The following ERC1 variants were observed in gnomAD, a reference collection of about 807,000 sequenced individuals.
ERC1 encodes RAB6 interacting protein 2.
A neutral mutation model predicts 132.0 loss-of-function variants in ERC1; 56 were observed. The observed-to-expected ratio is 0.42, with a 90% confidence interval of 0.34 to 0.53. The LOEUF is 0.53. Among genes scored for constraint, ERC1 ranks in the 20% least tolerant of loss-of-function variants. ERC1 has a pLI of 0.03. For synonymous variants in ERC1, 478 were observed against 476.1 expected (o/e 1.00, Z -0.05); for missense variants, 1,202 against 1,349.9 (o/e 0.89, Z 1.72).
At chr12:1,124,851 T>C (rs1196421869) in intron 7 of ERC1, among the ~76,000 whole-genome samples, 3 of 152,052 alleles carry the variant, frequency 2.0e-5, no homozygotes, top group African/African-American at 7.2e-5. Context: ...TGGAAAAATA[T>C]AAAATGACAG....
At chr12:1,174,600 C>T (rs572743326) in intron 8 of ERC1, among the ~76,000 whole-genome samples, 3 of 152,232 alleles carry the variant, frequency 2.0e-5, no homozygotes, top group East Asian at 1.9e-4. Context: ...CATTTTAATT[C>T]CTGAATTTCT....
At chr12:1,114,849 TG>T (rs943836131) in intron 6 of ERC1, among the ~76,000 whole-genome samples, 2 of 152,228 alleles carry the variant, frequency 1.3e-5, no homozygotes, top group African/African-American at 4.8e-5. Context: ...TAATCTTTTT[TG>T]AAACAGAAGG....
chr12:1,389,090 C>T (rs992539577), intron 16 of ERC1, among the ~76,000 whole-genome samples: 1 of 152,186 alleles, frequency 6.6e-6, no homozygotes, highest in South Asian at 2.1e-4. Context: ...ACGGTCACTA[C>T]CCACAGACCA....
At chr12:1,456,938 T>C (rs999476544) in intron 18 of ERC1, among the ~76,000 whole-genome samples, 1 of 152,180 alleles carries the variant, frequency 6.6e-6, no homozygotes, top group African/African-American at 2.4e-5. Context: ...TCGCAGGCAT[T>C]GTCAGAGATT....
At chr12:1,295,061 T>G (rs560240860) in intron 15 of ERC1, among the ~76,000 whole-genome samples, 2 of 152,358 alleles carry the variant, frequency 1.3e-5, no homozygotes, top group South Asian at 4.1e-4. Flanking sequence ...GAAGCAGGCA[T>G]AGTAAGACTT....
At chr12:1,064,722 A>G (rs558852446) in intron 2 of ERC1, among the ~76,000 whole-genome samples, 1 of 152,262 alleles carries the variant, frequency 6.6e-6, no homozygotes, top group South Asian at 2.1e-4. Flanking sequence ...TTTACTTTTG[A>G]CAACTTGGCA....
chr12:1,398,789 G>A (rs752818461), intron 16 of ERC1, among the ~76,000 whole-genome samples: 1 of 152,180 alleles, frequency 6.6e-6, no homozygotes, highest in Non-Finnish European at 1.5e-5. Flanking sequence ...TGACTTTTAA[G>A]ATGGTACCTT....
intron 18 of ERC1, among the ~76,000 whole-genome samples, chr12:1,479,822 G>T (rs2094050562): frequency 6.6e-6 from 1 of 152,166 alleles, no homozygotes; most frequent in African/African-American, 2.4e-5. Flanking sequence ...GTCACTCTGA[G>T]GCAGGACGGA....
At chr12:1,352,569 C>CATGTGTTTAATGAGAGATTG (rs1566657345) in intron 15 of ERC1, among the ~76,000 whole-genome samples, 2 of 150,816 alleles carry the variant, frequency 1.3e-5, no homozygotes, top group African/African-American at 5.0e-5. Flanking sequence ...TAGAATTTAT[C>CATGTGTTTAATGAGAGATTG]TTCTTAATTC....
In ERC1 at chr12:1,250,969, A is replaced by G. The variant is rs575549310; in HGVS notation, c.2488-12065A>G. On this transcript the variant is annotated intron_variant, in intron 13 of 18. Transcript: ENST00000360905. Reference sequence around the variant, plus strand: ...AGAATAAAGTTCAAAGAAAGTGAAAACAATGGAAATAGAGCCGGGGAAAAT... The same window carrying G: ...AGAATAAAGTTCAAAGAAAGTGAAAGCAATGGAAATAGAGCCGGGGAAAAT... Among the ~76,000 whole-genome samples the G allele has an allele frequency of 5.9e-5, 9 of 152,334 alleles. No individual in the cohort carries two copies. In the East Asian group the frequency reaches 1.5e-3, roughly 26 times the overall value.
intron 15 of ERC1, among the ~76,000 whole-genome samples, chr12:1,345,187 C>CTTCTTTTTTTTTT (rs1555368776): frequency 2.3e-5 from 3 of 131,490 alleles, no homozygotes; most frequent in South Asian, 4.6e-4. Context: ...AATATTTCTT[C>CTTCTTTTTTTTTT]TTTTTTTTTT....
At chr12:1,480,133 G>T (rs1437062210) in intron 18 of ERC1, among the ~76,000 whole-genome samples, 1 of 151,502 alleles carries the variant, frequency 6.6e-6, no homozygotes, top group Non-Finnish European at 1.5e-5. Context: ...GTGCCCAGGA[G>T]GCTTGAGGAA....
chr12:1,404,358 A>G (rs1045168864), intron 16 of ERC1, among the ~76,000 whole-genome samples: 25 of 151,386 alleles, frequency 1.7e-4, no homozygotes, highest in African/African-American at 5.4e-4. Context: ...TTCATTTGCA[A>G]TAATCCTTTG....
At chr12:1,177,711 C>T (rs955220444) in intron 8 of ERC1, among the ~76,000 whole-genome samples, 1 of 152,168 alleles carries the variant, frequency 6.6e-6, no homozygotes, top group Non-Finnish European at 1.5e-5. Flanking sequence ...AGAAATGTTG[C>T]AGGAATTACC....
chr12:1,490,000 G>C, intron 18 of ERC1, 93 bp from the exon 19 acceptor site: 1 of 1,353,442 alleles, frequency 7.4e-7, no homozygotes, highest in Non-Finnish European at 1.0e-6. Context: ...TTCACATACA[G>C]AGTGCCTTTG....
intron 1 of ERC1, among the ~76,000 whole-genome samples, chr12:1,016,600 A>T (rs766411712): frequency 1.4e-5 from 2 of 146,566 alleles, no homozygotes; most frequent in Non-Finnish European, 3.0e-5. Context: ...CTCTCACAGT[A>T]TGTATATAAC....
chr12:1,362,469 T>C (rs2086230053), intron 15 of ERC1, among the ~76,000 whole-genome samples: 1 of 152,096 alleles, frequency 6.6e-6, no homozygotes, highest in African/African-American at 2.4e-5. Flanking sequence ...TCTCTCTCTC[T>C]GTCTCTCTCT....
intron 16 of ERC1, among the ~76,000 whole-genome samples, chr12:1,393,346 G>A (rs1410230225): frequency 2.0e-5 from 3 of 152,058 alleles, no homozygotes; most frequent in Non-Finnish European, 4.4e-5. Context: ...CCTGAGCAAC[G>A]TGGGGAAACC....
At chr12:1,278,229 T>G (rs1231000759) in intron 14 of ERC1, among the ~76,000 whole-genome samples, 1 of 152,250 alleles carries the variant, frequency 6.6e-6, no homozygotes, top group Non-Finnish European at 1.5e-5. Flanking sequence ...GTTAAATGGC[T>G]GTACCCTGCC....
Sources: allele counts gnomAD v4.1 joint callset (sites outside exome capture counted in the v4.1 genomes callset), GRCh38; gene constraint gnomAD v4.1.1; transcripts MANE v1.5; gene names NCBI Gene and HGNC (gene_info 2026-07-23, HGNC 2026-07-21).